Variants in ENPEP observed in about 807,000 individuals in gnomAD.
ENPEP encodes AP-A.
A neutral mutation model predicts 114.5 loss-of-function variants in ENPEP; 103 were observed. The observed-to-expected ratio is 0.90, with a 90% confidence interval of 0.77 to 1.06. The LOEUF is 1.06. Among genes scored for constraint, ENPEP ranks in the 50% least tolerant of loss-of-function variants. ENPEP has a pLI of 0.00. For synonymous variants in ENPEP, 420 were observed against 422.0 expected (o/e 1.00, Z 0.06); for missense variants, 1,196 against 1,161.3 (o/e 1.03, Z -0.43).
chr4:110,542,288 T>C (rs1726878024), intron 11 of ENPEP, among the ~76,000 whole-genome samples: 1 of 152,122 alleles, frequency 6.6e-6, no homozygotes, highest in Non-Finnish European at 1.5e-5. Flanking sequence ...TTGATTTTAA[T>C]AAACAAAGTA....
intron 17 of ENPEP, among the ~76,000 whole-genome samples, chr4:110,550,385 T>G (rs1448772580): frequency 6.6e-6 from 1 of 152,044 alleles, no homozygotes; most frequent in Non-Finnish European, 1.5e-5. Flanking sequence ...GATCCTTTGC[T>G]CACTAGGGTG....
At chr4:110,561,034 A>C (rs1727658919) in intron 19 of ENPEP, among the ~76,000 whole-genome samples, 1 of 152,164 alleles carries the variant, frequency 6.6e-6, no homozygotes, top group African/African-American at 2.4e-5. Context: ...AGACTCCTGG[A>C]GTGAAAGGCT....
intron 3 of ENPEP, chr4:110,506,220 A>C (rs1335050828): frequency 2.9e-5 from 3 of 105,040 alleles, no homozygotes; most frequent in Non-Finnish European, 3.9e-5. Flanking sequence ...GAGACAGAGA[A>C]AGAGAAAGAG....
intron 10 of ENPEP, among the ~76,000 whole-genome samples, chr4:110,522,127 C>T (rs987975444): frequency 6.6e-6 from 1 of 152,146 alleles, no homozygotes; most frequent in East Asian, 1.9e-4. Context: ...GATCCACCCA[C>T]TCAGCCTCCC....
chr4:110,485,339 C>T (rs1172686505), intron 1 of ENPEP, among the ~76,000 whole-genome samples: 1 of 152,082 alleles, frequency 6.6e-6, no homozygotes, highest in Non-Finnish European at 1.5e-5. Context: ...GTTATAAGAA[C>T]GGTACTAGGA....
intron 13 of ENPEP, among the ~76,000 whole-genome samples, chr4:110,546,500 C>T (rs1026578168): frequency 2.6e-5 from 4 of 151,780 alleles, no homozygotes; most frequent in South Asian, 2.1e-4. Context: ...AGGTAAGGGA[C>T]GAATGGCAAA....
In ENPEP at chr4:110,559,603, A is replaced by G. The variant is rs62336854; in HGVS notation, c.2643-44A>G. On this transcript the variant is annotated intron_variant, in intron 18 of 19. Transcript: ENST00000265162. ...TCTGCATTTAGAGAAAATATGTAAC[A>G]TTCTGAGCACTTACACTTCCTTTTA... The G allele has an allele frequency of 3.4e-3, 4,469 of 1,325,584 alleles. 10 individuals are homozygous for G. The highest frequency in any genetic ancestry group is 4.1e-3 in the Non-Finnish European group (3,767 of 925,818). 82.1% of individuals were successfully genotyped at this position (1,325,584 alleles called of 1,614,324 possible). A position where few individuals can be genotyped will look rare whatever the true frequency, so the allele number is the denominator to read the frequency against.
intron 10 of ENPEP, among the ~76,000 whole-genome samples, chr4:110,523,687 T>A (rs1726090456): frequency 6.6e-6 from 1 of 152,082 alleles, no homozygotes. Flanking sequence ...GCAGAATAAA[T>A]TGCAAATATA....
intron 11 of ENPEP, among the ~76,000 whole-genome samples, chr4:110,539,538 T>C (rs1323660233): frequency 6.6e-6 from 1 of 152,142 alleles, no homozygotes; most frequent in Non-Finnish European, 1.5e-5. Context: ...GCATTACTCG[T>C]GTCTTTCAGT....
intron 14 of ENPEP, 81 bp from the exon 15 acceptor site, chr4:110,549,264 CA>C (rs772035956): frequency 1.2e-4 from 132 of 1,100,900 alleles, no homozygotes; most frequent in Middle Eastern, 2.6e-4. Context: ...CAGATTATAA[CA>C]GGGGCTGCTG....
intron 3 of ENPEP, among the ~76,000 whole-genome samples, chr4:110,504,429 G>A (rs528886443): frequency 1.3e-5 from 2 of 152,166 alleles, no homozygotes; most frequent in African/African-American, 2.4e-5. Context: ...GGGGCTTTCA[G>A]TTGCCTCTGG....
chr4:110,496,839 C>A (rs746928174), intron 3 of ENPEP, among the ~76,000 whole-genome samples: 2 of 152,156 alleles, frequency 1.3e-5, no homozygotes, highest in Non-Finnish European at 2.9e-5. Flanking sequence ...ATGACTTATT[C>A]CTGGTGATGC....
chr4:110,523,473 A>G (rs1423856078), intron 10 of ENPEP, among the ~76,000 whole-genome samples: 6 of 152,224 alleles, frequency 3.9e-5, no homozygotes, highest in Non-Finnish European at 5.9e-5. Flanking sequence ...TTGATACAGT[A>G]TAAGAAAAGG....
In ENPEP at chr4:110,556,288, C is replaced by T. The variant is rs376567228; in HGVS notation, c.2642+2833C>T. On this transcript the variant is annotated intron_variant, in intron 18 of 19. Coordinates refer to ENST00000265162, the MANE Select transcript of ENPEP (RefSeq NM_001977.4). Reference sequence around the variant, plus strand: ...GTAATGCAACCACCAAGAAATAACTCCTATTGTCATATTACTGTTTCTCCT... The same window carrying T: ...GTAATGCAACCACCAAGAAATAACTTCTATTGTCATATTACTGTTTCTCCT... Among the ~76,000 whole-genome samples, 57 of 151,872 alleles carry T rather than the reference C, an allele frequency of 3.8e-4. 1 individual carries two copies. The South Asian group carries it at 0.012, about 31-fold the overall frequency.
chr4:110,524,596 A>G (rs1245617543), intron 10 of ENPEP, among the ~76,000 whole-genome samples: 1 of 152,198 alleles, frequency 6.6e-6, no homozygotes, highest in African/African-American at 2.4e-5. Context: ...AAACTCAAAT[A>G]TAGTGTATCA....
chr4:110,549,991 AT>A, intron 17 of ENPEP, 105 bp downstream of exon 17: 6 of 1,157,014 alleles, frequency 5.2e-6, no homozygotes, highest in Non-Finnish European at 7.1e-6. Flanking sequence ...TTCCAAAAAA[AT>A]CCATTAAAAG....
rs1727359276 is a variant in ENPEP at position 110,553,363 on chromosome 4, G to A, written c.2550G>A (p.Val850=). The change falls in exon 18 of 20, where the codon GTG becomes GTA. Residue 850 remains valine, a synonymous_variant. Transcript: ENST00000265162. ...CGAACCTTATTAAAACTCAGGATGTGTTTACAGTCATTCGATATATCTCAT... is the reference window on the plus strand; with the variant it reads ...CGAACCTTATTAAAACTCAGGATGTATTTACAGTCATTCGATATATCTCAT... ...KDTNLIKTQD[V]FTVIRYISYN... 6.2e-7 allele frequency: 1 copy of A among 1,610,998 alleles called. No individual in the cohort carries two copies. Among genetic ancestry groups the A allele is most frequent in the Non-Finnish European group, 8.5e-7 (1 of 1,177,982 alleles).
At chr4:110,524,600 T>A (rs1383576522) in intron 10 of ENPEP, among the ~76,000 whole-genome samples, 3 of 152,296 alleles carry the variant, frequency 2.0e-5, no homozygotes, top group South Asian at 4.1e-4. Context: ...TCAAATATAG[T>A]GTATCAAATT....
intron 8 of ENPEP, chr4:110,515,648 A>G (rs1260379165): frequency 4.9e-6 from 3 of 618,248 alleles, no homozygotes; most frequent in Non-Finnish European, 8.8e-6. Context: ...CAGAAGTCTC[A>G]TGGAGAAGTT....
Sources: gnomAD v4.1 joint callset for allele counts (sites outside exome capture counted in the v4.1 genomes callset) on GRCh38, gnomAD v4.1.1 for gene constraint, MANE v1.5 for transcripts, NCBI Gene and HGNC (gene_info 2026-07-23, HGNC 2026-07-21) for gene names.